Variants in ZFR observed in about 807,000 individuals in gnomAD.
ZFR encodes zinc finger RNA-binding protein.
In ZFR, 19 loss-of-function variants were observed where a neutral mutation model predicts 130.7. That is an observed-to-expected ratio of 0.15 (90% CI 0.10 to 0.21). The LOEUF is 0.21. Among genes scored for constraint, ZFR ranks in the 10% least tolerant of loss-of-function variants. ZFR has a pLI of 1.00. For missense variants in ZFR, 872 were observed against 1,321.5 expected (o/e 0.66, Z 5.27); for synonymous variants, 466 against 456.9 (o/e 1.02, Z -0.25).
chr5:32,434,224 A>T (rs1172371444), intron 2 of ZFR, among the ~76,000 whole-genome samples: 3 of 152,228 alleles, frequency 2.0e-5, no homozygotes, highest in Non-Finnish European at 4.4e-5. Context: ...AATCCTTAGA[A>T]ATGTATTATG....
At chr5:32,430,416 CAG>C (rs71598941) in intron 2 of ZFR, among the ~76,000 whole-genome samples, 25,744 of 151,472 alleles carry the variant, frequency 0.17, 2,909 homozygotes, top group African/African-American at 0.32. Flanking sequence ...CCAGAATGCA[CAG>C]AGAGAGAGGA....
At position 32,440,791 on chromosome 5, in the gene ZFR, A is replaced by G. The variant is rs375856855; in HGVS notation, c.137+3438T>C. Among the ~76,000 whole-genome samples, 533 of 152,352 alleles carry G rather than the reference A, an allele frequency of 3.5e-3. 4 individuals carry two copies. Among genetic ancestry groups the G allele is most frequent in the African/African-American group, 0.011 (447 of 41,592 alleles). ...AAATGAAAAATGTGGTAACTAATCT[A>G]CAAGTTACTAGTAGCCATACTTGAC... On this transcript the variant is annotated intron_variant, in intron 2 of 19. Transcript: ENST00000265069.
At chr5:32,419,788 C>T (rs1753911771) in intron 3 of ZFR, 33 bp downstream of exon 3, 2 of 1,553,404 alleles carry the variant, frequency 1.3e-6, no homozygotes, top group African/African-American at 1.4e-5. Context: ...GAAACCCGCA[C>T]ATTCAGGCTA....
Position 32,395,288 on chromosome 5 carries a change from T to C in ZFR, c.1850A>G (p.Asp617Gly), listed in dbSNP as rs1581695202. The C allele has an allele frequency of 6.3e-7, 1 of 1,587,232 alleles. No individual in the cohort carries two copies. The highest frequency in any genetic ancestry group is 2.3e-5 in the East Asian group (1 of 44,260). Reference protein sequence around the residue: ...RLQYKKKVNPDLQVEVKPSIR... With the variant: ...RLQYKKKVNPGLQVEVKPSIR... ...ACTAGGCTTTACTTCTACTTGCAAA[T>C]CTGGATTTACTTTTTTCTATTAATA... Residue 617 changes from aspartate to glycine, a missense_variant, in exon 11 of 20, where the codon GAT (aspartate) becomes GGT (glycine). By Grantham distance (94) the Asp-to-Gly change is moderately conservative (BLOSUM62 -1). Coordinates refer to ENST00000265069, the MANE Select transcript of ZFR (RefSeq NM_016107.5).
rs759671533 is a variant in ZFR at position 32,390,337 on chromosome 5, G to A, written c.2080C>T (p.Pro694Ser). Reference protein sequence around the residue: ...MPDGGYPHGPPGPLGLLGVRP... With the variant: ...MPDGGYPHGPSGPLGLLGVRP... ...ACTCCCAGAAGGCCTAATGGGCCTG[G>A]AGGACCATGAGGATAACCTCCATCT... The change falls in exon 12 of 20, where the codon CCA becomes TCA. Residue 694 changes from proline to serine, a missense_variant. This residue lies in a region of ZFR where 225 missense variants were observed against 282.4 expected (regional missense o/e 0.80). Transcript: ENST00000265069. 3 of 1,614,154 alleles carry A rather than the reference G, an allele frequency of 1.9e-6. No individual in the cohort carries two copies. The highest frequency in any genetic ancestry group is 2.5e-6 in the Non-Finnish European group (3 of 1,180,006).
chr5:32,394,610 T>G (rs1753256659), intron 11 of ZFR: 1 of 152,346 alleles, frequency 6.6e-6, no homozygotes, highest in East Asian at 1.9e-4. Context: ...GGTACGTGAT[T>G]TCTTTTGAGG....
rs1338217917 is a variant in ZFR at position 32,444,318 on chromosome 5, C to G, written c.48G>C (p.Arg16=). The part of the protein sequence containing the change: ...PVVSFTYVPS[R]LGEDAKMATG... The stretch of plus-strand genomic sequence containing the variant: ...TCGCCATTTTGGCATCTTCCCCCAG[C>G]CGGCTGGGCACTGCGGCGGGCACGA... Residue 16 remains arginine (R), a synonymous_variant, in exon 2 of 20, where the codon CGG becomes CGC. Coordinates refer to ENST00000265069, the MANE Select transcript of ZFR (RefSeq NM_016107.5). 2 of 1,540,928 alleles carry G rather than the reference C, an allele frequency of 1.3e-6. No homozygotes were observed. Among genetic ancestry groups the G allele is most frequent in the Non-Finnish European group, 1.8e-6 (2 of 1,142,584 alleles).
At chr5:32,428,974 TC>T (rs1754137978) in intron 2 of ZFR, among the ~76,000 whole-genome samples, 1 of 113,962 alleles carries the variant, frequency 8.8e-6, no homozygotes, top group African/African-American at 3.4e-5. Flanking sequence ...TCTTCTTACA[TC>T]TTTTTTTTTT....
At chr5:32,417,554 G>A (rs959098130) in intron 4 of ZFR, 94 bp downstream of exon 4, 4 of 1,514,978 alleles carry the variant, frequency 2.6e-6, no homozygotes, top group African/African-American at 2.7e-5. Context: ...TGTGATATGA[G>A]TTTAGATGGA....
At chr5:32,383,616 C>T (rs1000624633) in intron 15 of ZFR, 1 of 338,088 alleles carries the variant, frequency 3.0e-6, no homozygotes, top group Non-Finnish European at 6.0e-6. Flanking sequence ...CCACACAATG[C>T]GCAAGTAGTA....
intron 19 of ZFR, among the ~76,000 whole-genome samples, chr5:32,361,234 T>C (rs1248798412): frequency 6.6e-6 from 1 of 152,200 alleles, no homozygotes; most frequent in Admixed American, 6.5e-5. Context: ...CCAAAACTTT[T>C]CCCCCAAGTT....
intron 19 of ZFR, among the ~76,000 whole-genome samples, chr5:32,356,995 TACA>T (rs1752330287): frequency 6.6e-6 from 1 of 151,970 alleles, no homozygotes; most frequent in Admixed American, 6.6e-5. Context: ...AATTGTTATT[TACA>T]ACATTTTTGA....
chr5:32,396,062 T>A (rs1162437603), intron 10 of ZFR, among the ~76,000 whole-genome samples: 1 of 151,580 alleles, frequency 6.6e-6, no homozygotes, highest in African/African-American at 2.4e-5. Context: ...TCTAGAAAAA[T>A]ACAAAAGCTA....
chr5:32,379,696 T>C, intron 16 of ZFR: 1 of 191,184 alleles, frequency 5.2e-6, no homozygotes, highest in East Asian at 1.4e-4. Flanking sequence ...AAAAAAATCT[T>C]AAAACTATAC....
chr5:32,412,997 C>A (rs192074552), intron 5 of ZFR, among the ~76,000 whole-genome samples: 54 of 152,234 alleles, frequency 3.5e-4, no homozygotes, highest in African/African-American at 1.2e-3. Context: ...CGAGACCAGC[C>A]TGCCAACATG....
chr5:32,419,781 A>AC (rs758297766), intron 3 of ZFR, 40 bp downstream of exon 3: 16 of 1,542,394 alleles, frequency 1.0e-5, no homozygotes, highest in African/African-American at 1.4e-5. Context: ...AGACAAAGAA[A>AC]CCCGCACATT....
At chr5:32,408,497 T>C (rs1177403612) in intron 5 of ZFR, among the ~76,000 whole-genome samples, 2 of 152,190 alleles carry the variant, frequency 1.3e-5, no homozygotes, top group African/African-American at 4.8e-5. Flanking sequence ...ATAAAGATAT[T>C]ATGTAAAAAT....
At chr5:32,434,746 A>G (rs1447976213) in intron 2 of ZFR, among the ~76,000 whole-genome samples, 1 of 152,198 alleles carries the variant, frequency 6.6e-6, no homozygotes, top group Non-Finnish European at 1.5e-5. Flanking sequence ...TTCCATTTTG[A>G]AAAATAAGGG....
At chr5:32,417,530 G>A (rs549121490) in intron 4 of ZFR, 118 bp downstream of exon 4, 2 of 1,265,826 alleles carry the variant, frequency 1.6e-6, no homozygotes, top group Admixed American at 2.1e-5. Context: ...TCTAGAACCT[G>A]CCTCCTAAGA....
Sources: allele counts gnomAD v4.1 joint callset (sites outside exome capture counted in the v4.1 genomes callset), GRCh38; gene constraint gnomAD v4.1.1; regional missense constraint gnomAD v4.1.1; transcripts MANE v1.5; gene names NCBI Gene and HGNC (gene_info 2026-07-23, HGNC 2026-07-21).